Variants in ACTR3B observed in about 807,000 individuals in gnomAD.
The protein encoded by ACTR3B is actin related protein 3B, also known as actin-related protein 3B.
ACTR3B carries 8 observed loss-of-function variants against 59.0 expected under a neutral mutation model. That is an observed-to-expected ratio of 0.14 (90% CI 0.08 to 0.24). The LOEUF is 0.24. Ranked by LOEUF, ACTR3B falls within the 10% of genes least tolerant of loss-of-function variation. The pLI, the probability that ACTR3B is intolerant of heterozygous loss-of-function variation, is 1.00. For missense variants in ACTR3B, 245 were observed against 552.3 expected (o/e 0.44, Z 5.58); for synonymous variants, 148 against 197.9 (o/e 0.75, Z 2.12).
At chr7:152,803,246 C>T (rs2098242489) in intron 4 of ACTR3B, among the ~76,000 whole-genome samples, 1 of 152,056 alleles carries the variant, frequency 6.6e-6, no homozygotes, top group South Asian at 2.1e-4. Flanking sequence ...TGGGGTCTTG[C>T]TATGTTGTCC....
In ACTR3B at chr7:152,823,500, A is replaced by G. The variant is rs773218293; in HGVS notation, c.843A>G (p.Ile281Met). The G allele has an allele frequency of 5.6e-6, 9 of 1,614,028 alleles. No individual in the cohort carries two copies. The highest frequency in any genetic ancestry group is 6.8e-6 in the Non-Finnish European group (8 of 1,180,016). Residue 281 changes from isoleucine (I) to methionine (M), a missense_variant, in exon 8 of 12, where the codon ATA becomes ATG. This residue lies in a region of ACTR3B where 153 missense variants were observed against 266.2 expected (regional missense o/e 0.57). Coordinates refer to ENST00000256001, the MANE Select transcript of ACTR3B (RefSeq NM_020445.6). The stretch of plus-strand genomic sequence containing the variant: ...ACGAAAGATTCCTGGGACCTGAAAT[A>G]TTCTTTCACCCGGAGGTGAGATGTT... ...VGYERFLGPE[I>M]FFHPEFANPD...
chr7:152,800,739 G>A (rs2098233026), intron 3 of ACTR3B, 84 bp downstream of exon 3: 1 of 1,485,030 alleles, frequency 6.7e-7, no homozygotes, highest in African/African-American at 1.4e-5. Context: ...AGTTGTATTT[G>A]CGAGTTGTAG....
chr7:152,761,626 T>TCACAAACA (rs2098089653), intron 1 of ACTR3B, among the ~76,000 whole-genome samples: 4 of 152,182 alleles, frequency 2.6e-5, no homozygotes, highest in Admixed American at 2.0e-4. Flanking sequence ...TGGCCCAAAG[T>TCACAAACA]CATGCTTCAG....
chr7:152,778,969 A>C (rs2098143233), intron 1 of ACTR3B, among the ~76,000 whole-genome samples: 1 of 109,202 alleles, frequency 9.2e-6, no homozygotes, highest in South Asian at 3.1e-4. Context: ...AAAAAAAAAA[A>C]AAAAAAAAAA....
At chr7:152,777,865 G>GCT (rs2098140191) in intron 1 of ACTR3B, among the ~76,000 whole-genome samples, 1 of 151,550 alleles carries the variant, frequency 6.6e-6, no homozygotes, top group African/African-American at 2.4e-5. Context: ...CAGAAGAATC[G>GCT]CTCAAACATG....
chr7:152,836,502 C>T (rs1057369886), intron 9 of ACTR3B, among the ~76,000 whole-genome samples: 11 of 151,758 alleles, frequency 7.2e-5, no homozygotes, highest in Non-Finnish European at 4.4e-5. Flanking sequence ...TGGGAGGATC[C>T]CTTGAGCCCA....
intron 6 of ACTR3B, among the ~76,000 whole-genome samples, chr7:152,819,714 C>T (rs549482521): frequency 1.7e-3 from 254 of 152,064 alleles, no homozygotes; most frequent in Non-Finnish European, 2.5e-3. Flanking sequence ...GCTGTGTGCT[C>T]GACACACGCA....
chr7:152,849,049 G>A (rs117411019), intron 9 of ACTR3B, among the ~76,000 whole-genome samples: 4,071 of 152,284 alleles, frequency 0.027, 76 homozygotes, highest in Middle Eastern at 0.1. Context: ...TGTGGCGAGG[G>A]GCGTCAGGGG....
intron 9 of ACTR3B, among the ~76,000 whole-genome samples, chr7:152,828,427 T>C (rs1272032335): frequency 2.0e-5 from 3 of 152,182 alleles, no homozygotes; most frequent in Non-Finnish European, 4.4e-5. Flanking sequence ...GAAGCTGCAC[T>C]GACGAGGTTC....
At chr7:152,795,846 GTT>G (rs1211375355) in intron 2 of ACTR3B, among the ~76,000 whole-genome samples, 12 of 139,744 alleles carry the variant, frequency 8.6e-5, no homozygotes, top group Admixed American at 7.1e-5. Context: ...AGTAGCTCTT[GTT>G]TTTTTTTTTT....
chr7:152,782,982 ATTT>A (rs2098159575), intron 1 of ACTR3B, among the ~76,000 whole-genome samples: 1 of 148,082 alleles, frequency 6.8e-6, no homozygotes, highest in East Asian at 2.0e-4. Context: ...CAAGCATAAT[ATTT>A]TAAGTTTTTG....
chr7:152,838,983 G>C (rs1797677180), intron 9 of ACTR3B, among the ~76,000 whole-genome samples: 1 of 152,100 alleles, frequency 6.6e-6, no homozygotes, highest in Non-Finnish European at 1.5e-5. Flanking sequence ...TTCCTGAAAA[G>C]ATGACCGGTG....
At chr7:152,853,471 G>A (rs766501739) in intron 10 of ACTR3B, 23 bp from the exon 11 acceptor site, 54 of 1,611,020 alleles carry the variant, frequency 3.4e-5, no homozygotes, top group Non-Finnish European at 4.4e-5. Flanking sequence ...TGTGGGGTAA[G>A]TGAGAGCTGC....
chr7:152,852,948 A>C (rs185513828), intron 10 of ACTR3B, among the ~76,000 whole-genome samples: 21 of 152,012 alleles, frequency 1.4e-4, no homozygotes, highest in Admixed American at 3.9e-4. Context: ...CCCGCCACCA[A>C]GCCCGGCTAA....
chr7:152,810,073 T>C (rs1462932773), intron 4 of ACTR3B, among the ~76,000 whole-genome samples: 3 of 152,150 alleles, frequency 2.0e-5, no homozygotes, highest in Non-Finnish European at 4.4e-5. Context: ...TCCGTACTCA[T>C]TGAACGAGTC....
intron 4 of ACTR3B, 105 bp from the exon 5 acceptor site, chr7:152,814,445 G>C: frequency 1.1e-6 from 1 of 874,206 alleles, no homozygotes. Flanking sequence ...TTAGGGAATT[G>C]TATAATGTCC....
chr7:152,796,957 A>G (rs1338760012), intron 2 of ACTR3B, among the ~76,000 whole-genome samples: 2 of 122,198 alleles, frequency 1.6e-5, no homozygotes, highest in Non-Finnish European at 1.6e-5. Context: ...GACTTAAGCA[A>G]TTTGCCTGTC....
chr7:152,795,227 A>G (rs1339978859), intron 2 of ACTR3B, among the ~76,000 whole-genome samples: 1 of 152,106 alleles, frequency 6.6e-6, no homozygotes, highest in Non-Finnish European at 1.5e-5. Context: ...TTTTATTTTA[A>G]GAACAGATGG....
At chr7:152,815,462 G>T (rs1041283273) in intron 5 of ACTR3B, among the ~76,000 whole-genome samples, 3 of 152,184 alleles carry the variant, frequency 2.0e-5, no homozygotes, top group African/African-American at 7.2e-5. Flanking sequence ...AAGACTGGTG[G>T]TTCTCGAAGT....
Sources: allele counts gnomAD v4.1 joint callset (sites outside exome capture counted in the v4.1 genomes callset), GRCh38; gene constraint gnomAD v4.1.1; regional missense constraint gnomAD v4.1.1; transcripts MANE v1.5; gene names NCBI Gene and HGNC (gene_info 2026-07-23, HGNC 2026-07-21).